Variants in COL7A1 observed in about 807,000 individuals in gnomAD.
COL7A1 encodes the protein collagen alpha-1(VII) chain.
A neutral mutation model predicts 456.2 loss-of-function variants in COL7A1; 296 were observed. The ratio of observed to expected loss-of-function variants is 0.65; its 90% confidence interval spans 0.59 to 0.71. The LOEUF (loss-of-function observed/expected upper bound fraction) is 0.71. Among genes scored for constraint, COL7A1 ranks in the 30% least tolerant of loss-of-function variants. The probability of loss-of-function intolerance (pLI) is 0.00; values close to 1 mark genes in which losing one functional copy is unlikely to be tolerated. For synonymous variants in COL7A1, 1,464 were observed against 1,525.9 expected (o/e 0.96, Z 0.95); for missense variants, 3,441 against 4,017.2 (o/e 0.86, Z 3.88).
chr3:48,594,240 G>A lies in COL7A1; in HGVS notation c.266+128C>T. On this transcript the variant is annotated intron_variant, in intron 3 of 118. Transcript: ENST00000681320. This position sits in a 1 kb window ranked among gnomAD's most constrained non-coding sequence, Gnocchi z 5.5. ...TCTCCAAAGGAGGTCCTGGCTAGGGGGTCTCTAGGTTCCCCAAAACTTGTT... is the reference window on the plus strand; with the variant it reads ...TCTCCAAAGGAGGTCCTGGCTAGGGAGTCTCTAGGTTCCCCAAAACTTGTT... 1.9e-6 allele frequency: 2 copies of A among 1,074,708 alleles called. No individual in the cohort carries two copies. Among genetic ancestry groups the A allele is most frequent in the Non-Finnish European group, 2.7e-6 (2 of 733,762 alleles). The allele number at this position is 1,074,708 out of a possible 1,614,324, so 66.6% of individuals were successfully genotyped here.
In COL7A1 at chr3:48,594,921, G is replaced by A. The variant is rs1193086924; in HGVS notation, c.85+154C>T. Among the ~76,000 whole-genome samples the A allele has an allele frequency of 6.6e-6, 1 of 152,174 alleles. No homozygotes were observed. The highest frequency in any genetic ancestry group is 6.5e-5 in the Admixed American group (1 of 15,282). ...GTTTAGGGAACCCAGCACCGATCGC[G>A]GAGGGTTCGGGGAGTCCCAGAATTA... On this transcript the variant is annotated intron_variant, in intron 2 of 118. Coordinates refer to ENST00000681320, the MANE Select transcript of COL7A1 (RefSeq NM_000094.4). The surrounding 1 kb of genome is among the most constrained non-coding windows in gnomAD (Gnocchi z 5.5).
In COL7A1 at chr3:48,590,392, C is replaced by G; in HGVS notation, c.1907-36G>C. On this transcript the variant is annotated intron_variant, in intron 15 of 118. Coordinates refer to ENST00000681320, the MANE Select transcript of COL7A1 (RefSeq NM_000094.4). This position sits in a 1 kb window ranked among gnomAD's most constrained non-coding sequence, Gnocchi z 4.6. ...AGGGAAATGCTGGCATGGCTCCTGC[C>G]TGTCCCCTCTGGCACCCATACCCTC... The G allele has an allele frequency of 3.1e-6, 5 of 1,614,078 alleles. No individual in the cohort carries two copies. The highest frequency in any genetic ancestry group is 4.2e-6 in the Non-Finnish European group (5 of 1,180,006).
chr3:48,584,572 G>A lies in COL7A1; in HGVS notation c.4048-16C>T, dbSNP rs1464940494. 5.6e-6 allele frequency: 9 copies of A among 1,614,084 alleles called. No homozygotes were observed. In the South Asian group the frequency reaches 7.7e-5, roughly 14 times the overall value. On this transcript the variant is annotated splice_polypyrimidine_tract_variant and intron_variant, in intron 35 of 118. Transcript: ENST00000681320. ...CGGGAGCCCCCTGTAAGGACAGAGA[G>A]CAGTGGGCAGGATTCAGGCTATGGG...
Position 48,587,261 on chromosome 3 carries a change from G to A in COL7A1, c.3068C>T (p.Ser1023Phe), listed in dbSNP as rs370335829. Residue 1023 changes from serine to phenylalanine, a missense_variant, in exon 24 of 119, where the codon TCT becomes TTT. By Grantham distance (155) the Ser-to-Phe change is radical. Transcript: ENST00000681320. This position sits in a 1 kb window ranked among gnomAD's most constrained non-coding sequence, Gnocchi z 6.1. ...GACAGGCGTCAGGGAGAAGATGTAA[G>A]AGACGCCAGGCTCTAGCCCTGTCAC... ...QRVTGLEPGV[S>F]YIFSLTPVLD... The A allele has an allele frequency of 1.4e-5, 23 of 1,612,140 alleles. No individual in the cohort carries two copies. The African/African-American group carries it at 3.1e-4, about 22-fold the overall frequency.
At position 48,573,046 on chromosome 3, in the gene COL7A1, C is replaced by T; in HGVS notation, c.6725G>A (p.Gly2242Glu). The change falls in exon 86 of 119, where the codon GGG (glycine) becomes GAG (glutamate). Residue 2242 changes from glycine (G) to glutamate (E), a missense_variant. Coordinates refer to ENST00000681320, the MANE Select transcript of COL7A1 (RefSeq NM_000094.4). This position sits in a 1 kb window ranked among gnomAD's most constrained non-coding sequence, Gnocchi z 5.5. The stretch of plus-strand genomic sequence containing the variant: ...CACTTGTCCAGGCAAACCTGGAGAC[C>T]CCTGTGGACCCTGACGGAGAACAAG... ...PGPSGLVGPQ[G>E]SPGLPGQVGE... 1 of 1,614,112 alleles carries T rather than the reference C, an allele frequency of 6.2e-7. No homozygotes were observed. Among genetic ancestry groups the T allele is most frequent in the East Asian group, 2.2e-5 (1 of 44,870 alleles).
In COL7A1 at chr3:48,571,070, C is replaced by T. The variant is rs2043887049; in HGVS notation, c.7164+31G>A. 6.2e-7 allele frequency: 1 copy of T among 1,613,610 alleles called. No individual in the cohort carries two copies. Among genetic ancestry groups the T allele is most frequent in the East Asian group, 2.2e-5 (1 of 44,856 alleles). The stretch of plus-strand genomic sequence containing the variant: ...CTCCTGTGGGGGCCCGGCCTGCTGC[C>T]CCTACAACTGGTGATGGGGCATTGA... On this transcript the variant is annotated intron_variant, in intron 94 of 118. Coordinates refer to ENST00000681320, the MANE Select transcript of COL7A1 (RefSeq NM_000094.4). This position sits in a 1 kb window ranked among gnomAD's most constrained non-coding sequence, Gnocchi z 4.6.
At chr3:48,589,752 A>T (rs750094690) in intron 16 of COL7A1, 34 bp from the exon 17 acceptor site, 4 of 1,613,614 alleles carry the variant, frequency 2.5e-6, no homozygotes, top group Non-Finnish European at 3.4e-6. Flanking sequence ...GTCTGCTGGA[A>T]CAGGCAGGAA....
In COL7A1 at chr3:48,573,490, C is replaced by G; in HGVS notation, c.6618+23G>C. 6.2e-7 allele frequency: 1 copy of G among 1,614,082 alleles called. No individual in the cohort carries two copies. The highest frequency in any genetic ancestry group is 8.5e-7 in the Non-Finnish European group (1 of 1,179,996). On this transcript the variant is annotated intron_variant, in intron 83 of 118. Transcript: ENST00000681320. This position sits in a 1 kb window ranked among gnomAD's most constrained non-coding sequence, Gnocchi z 5.5. Reference sequence around the variant, plus strand: ...ACACAGCTTGAAGGAGCCTCCTCCTCCTATCCACACACCTAGACTCACCTT... The same window carrying G: ...ACACAGCTTGAAGGAGCCTCCTCCTGCTATCCACACACCTAGACTCACCTT...
rs752385466 is a variant in COL7A1 at position 48,564,743 on chromosome 3, C to T, written c.8818+40G>A. Reference sequence around the variant, plus strand: ...TCCCCCAGAACCCGATCCAGGCAGGCTCAGTGCCCAGTTCCCCACGGTGGG... The same window carrying T: ...TCCCCCAGAACCCGATCCAGGCAGGTTCAGTGCCCAGTTCCCCACGGTGGG... On this transcript the variant is annotated intron_variant, in intron 118 of 118. Coordinates refer to ENST00000681320, the MANE Select transcript of COL7A1 (RefSeq NM_000094.4). This position sits in a 1 kb window ranked among gnomAD's most constrained non-coding sequence, Gnocchi z 6.0. The T allele has an allele frequency of 3.8e-6, 6 of 1,598,892 alleles. No homozygotes were observed. The highest frequency in any genetic ancestry group is 5.1e-6 in the Non-Finnish European group (6 of 1,170,692).
chr3:48,574,425 C>T lies in COL7A1; in HGVS notation c.6456+63G>A. ...AGGCAGTACAGACCCCAGCCCTGCA[C>T]ACAGGACAATACATGTGAGAGCCAC... On this transcript the variant is annotated intron_variant, in intron 79 of 118. Transcript: ENST00000681320. The surrounding 1 kb of genome is among the most constrained non-coding windows in gnomAD (Gnocchi z 5.0). 1.2e-6 allele frequency: 2 copies of T among 1,612,728 alleles called. No homozygotes were observed. The highest frequency in any genetic ancestry group is 1.3e-5 in the African/African-American group (1 of 75,032).
rs1324118831 is a variant in COL7A1, at chr3:48,594,295, G to C, written c.266+73C>G. The C allele has an allele frequency of 1.3e-6, 2 of 1,562,328 alleles. No individual in the cohort carries two copies. The highest frequency in any genetic ancestry group is 1.7e-6 in the Non-Finnish European group (2 of 1,147,112). Reference sequence around the variant, plus strand: ...CAAAGACCTGGCCTGGGGTTTCCAGGGTCTCCTCCCTCTCTGGGGAAGGAG... The same window carrying C: ...CAAAGACCTGGCCTGGGGTTTCCAGCGTCTCCTCCCTCTCTGGGGAAGGAG... On this transcript the variant is annotated intron_variant, in intron 3 of 118. Coordinates refer to ENST00000681320, the MANE Select transcript of COL7A1 (RefSeq NM_000094.4). This position sits in a 1 kb window ranked among gnomAD's most constrained non-coding sequence, Gnocchi z 5.5.
In COL7A1 at chr3:48,565,266, T is replaced by C. The variant is rs1392662351; in HGVS notation, c.8528-65A>G. The C allele has an allele frequency of 2.0e-6, 3 of 1,525,994 alleles. No individual in the cohort carries two copies. The highest frequency in any genetic ancestry group is 2.7e-6 in the Non-Finnish European group (3 of 1,110,890). The allele number at this position is 1,525,994 out of a possible 1,614,324, so 94.5% of individuals were successfully genotyped here. A position where few individuals can be genotyped will look rare whatever the true frequency, so the allele number is the denominator to read the frequency against. On this transcript the variant is annotated intron_variant, in intron 116 of 118. Coordinates refer to ENST00000681320, the MANE Select transcript of COL7A1 (RefSeq NM_000094.4). The surrounding 1 kb of genome is among the most constrained non-coding windows in gnomAD (Gnocchi z 4.5). ...GGCCCCGGGGCAAGGTGGGCAGCAC[T>C]GATTTCCACTGTGTGCACACAGTGC...
Position 48,564,737 on chromosome 3 carries a change from G to T in COL7A1, c.8818+46C>A. 1.3e-6 allele frequency: 2 copies of T among 1,591,810 alleles called. No homozygotes were observed. Among genetic ancestry groups the T allele is most frequent in the Non-Finnish European group, 1.7e-6 (2 of 1,166,070 alleles). On this transcript the variant is annotated intron_variant, in intron 118 of 118. Transcript: ENST00000681320. This position sits in a 1 kb window ranked among gnomAD's most constrained non-coding sequence, Gnocchi z 6.0. ...GACTCCTCCCCCAGAACCCGATCCA[G>T]GCAGGCTCAGTGCCCAGTTCCCCAC...
chr3:48,581,051 T>G lies in COL7A1; in HGVS notation c.4935+71A>C. On this transcript the variant is annotated intron_variant, in intron 53 of 118. Transcript: ENST00000681320. The surrounding 1 kb of genome is among the most constrained non-coding windows in gnomAD (Gnocchi z 5.8). ...GGCAGGGAGTGGATGGATGAACTGG[T>G]GGAGCACCAGCCTACTGGGATCCTA... The G allele has an allele frequency of 6.2e-7, 1 of 1,605,134 alleles. No homozygotes were observed. The highest frequency in any genetic ancestry group is 1.7e-5 in the Admixed American group (1 of 59,884).
At chr3:48,576,155 C>A in intron 71 of COL7A1, 94 bp downstream of exon 71, 2 of 1,576,506 alleles carry the variant, frequency 1.3e-6, no homozygotes, top group South Asian at 1.1e-5. Context: ...CAGCACAGAA[C>A]CTATGGAGCC....
Position 48,594,986 on chromosome 3 carries a change from G to A in COL7A1, c.85+89C>T, listed in dbSNP as rs1478620848. The A allele has an allele frequency of 1.8e-6, 2 of 1,084,864 alleles. No individual in the cohort carries two copies. Among genetic ancestry groups the A allele is most frequent in the Non-Finnish European group, 2.7e-6 (2 of 740,792 alleles). 67.2% of individuals were successfully genotyped at this position (1,084,864 alleles called of 1,614,324 possible). On this transcript the variant is annotated intron_variant, in intron 2 of 118. Transcript: ENST00000681320. The surrounding 1 kb of genome is among the most constrained non-coding windows in gnomAD (Gnocchi z 5.5). ...GGCGTCGTGGAGTTGGCTGGGTTGT[G>A]GGCGGGGGGTGTTGGGGATGAAGGC...
At position 48,592,161 on chromosome 3, in the gene COL7A1, G is replaced by A. The variant is rs759638330; in HGVS notation, c.1181C>T (p.Thr394Ile). The A allele has an allele frequency of 1.4e-5, 22 of 1,614,106 alleles. No individual in the cohort carries two copies. The highest frequency in any genetic ancestry group is 1.9e-5 in the Non-Finnish European group (22 of 1,180,034). ...ACTGCGGCCAAATAGGGTGCTCACG[G>A]TCACCTCATAGTCCGTGCCAGGCTC... ...DLEPGTDYEV[T>I]VSTLFGRSVG... Residue 394 changes from threonine to isoleucine, a missense_variant, in exon 10 of 119, where the codon ACC becomes ATC. Transcript: ENST00000681320. The surrounding 1 kb of genome is among the most constrained non-coding windows in gnomAD (Gnocchi z 7.6).
chr3:48,576,319 C>T (rs375975487), intron 70 of COL7A1, 23 bp from the exon 71 acceptor site: 28 of 1,613,786 alleles, frequency 1.7e-5, no homozygotes, highest in Admixed American at 3.3e-5. Flanking sequence ...AGACAAACTG[C>T]TAGGAACCAG....
Position 48,592,075 on chromosome 3 carries a change from C to G in COL7A1, c.1240+27G>C, listed in dbSNP as rs763189512. The G allele has an allele frequency of 1.2e-6, 2 of 1,614,204 alleles. No individual in the cohort carries two copies. The highest frequency in any genetic ancestry group is 2.2e-5 in the South Asian group (2 of 91,088). ...GCCTTGCCCTGCCTGCCCGTCCCAG[C>G]CTGAAGAAAGTGCCCAGCCTTCTCA... On this transcript the variant is annotated intron_variant, in intron 10 of 118. Transcript: ENST00000681320. The surrounding 1 kb of genome is among the most constrained non-coding windows in gnomAD (Gnocchi z 7.6).
Sources: gnomAD v4.1 joint callset for allele counts (sites outside exome capture counted in the v4.1 genomes callset) on GRCh38, gnomAD v4.1.1 for gene constraint, Gnocchi (gnomAD v3.1) non-coding constraint, MANE v1.5 for transcripts, NCBI Gene and HGNC (gene_info 2026-07-23, HGNC 2026-07-21) for gene names.